Variants in CCDC30 observed in about 807,000 individuals in gnomAD.
CCDC30 encodes coiled-coil domain-containing protein 30.
CCDC30 carries 70 observed loss-of-function variants against 100.2 expected under a neutral mutation model. The observed-to-expected ratio is 0.70, with a 90% CI of 0.58 to 0.85. The LOEUF is 0.85. CCDC30 is among the 40% of genes least tolerant of loss of function. The pLI, the probability that CCDC30 is intolerant of heterozygous loss-of-function variation, is 0.00. For missense variants in CCDC30, 652 were observed against 771.2 expected, an observed-to-expected ratio of 0.85 and a Z score of 1.83; for synonymous variants, 233 against 269.5, an observed-to-expected ratio of 0.86 and a Z score of 1.33.
intron 6 of CCDC30, among the ~76,000 whole-genome samples, chr1:42,560,505 G>A (rs572572321): frequency 2.6e-5 from 4 of 152,130 alleles, no homozygotes; most frequent in Non-Finnish European, 5.9e-5. Context: ...AAGTAGCTGG[G>A]ATTACAGGCA....
intron 6 of CCDC30, among the ~76,000 whole-genome samples, chr1:42,500,645 C>T (rs2148478783): frequency 6.6e-6 from 1 of 152,282 alleles, no homozygotes; most frequent in East Asian, 1.9e-4. Flanking sequence ...AATCTCCTGA[C>T]CTCGTGATCC....
chr1:42,554,275 CTT>C (rs1286952607), intron 6 of CCDC30, among the ~76,000 whole-genome samples: 48 of 131,176 alleles, frequency 3.7e-4, no homozygotes, highest in Admixed American at 3.9e-4. Flanking sequence ...TTTATGGCTT[CTT>C]TTTTTTTTTT....
chr1:42,601,980 AT>A (rs1450913007), intron 10 of CCDC30, among the ~76,000 whole-genome samples: 2 of 152,210 alleles, frequency 1.3e-5, no homozygotes, highest in Non-Finnish European at 2.9e-5. Flanking sequence ...CAACAAATAT[AT>A]TGAAAATTTT....
intron 6 of CCDC30, chr1:42,537,230 C>T (rs1312304999): frequency 4.4e-6 from 2 of 456,082 alleles, no homozygotes; most frequent in South Asian, 3.1e-5. Flanking sequence ...TCTTGTCCTG[C>T]CATCTTGGAA....
chr1:42,460,327 T>A, upstream of CCDC30: 3 of 988,664 alleles, frequency 3.0e-6, no homozygotes, highest in Non-Finnish European at 3.6e-6. Context: ...ATTAAAAAGA[T>A]GAATAAACAT....
At chr1:42,572,734 G>A (rs1044210016) in intron 7 of CCDC30, among the ~76,000 whole-genome samples, 9 of 151,866 alleles carry the variant, frequency 5.9e-5, no homozygotes, top group Admixed American at 5.9e-4. Flanking sequence ...CTTCTGCCTC[G>A]GCCTCCCGAA....
At chr1:42,572,676 G>A (rs1645756491) in intron 7 of CCDC30, among the ~76,000 whole-genome samples, 1 of 152,150 alleles carries the variant, frequency 6.6e-6, no homozygotes. Context: ...GAGTACAGTG[G>A]CATGATCTTG....
At chr1:42,561,630 TA>T (rs201715122) in intron 6 of CCDC30, among the ~76,000 whole-genome samples, 1,847 of 152,098 alleles carry the variant, frequency 0.012, 32 homozygotes, top group African/African-American at 0.041. Context: ...AAGAAAGAAA[TA>T]AAGGGTATTC....
chr1:42,621,884 C>A (rs561257520), intron 11 of CCDC30, among the ~76,000 whole-genome samples: 126 of 152,126 alleles, frequency 8.3e-4, no homozygotes, highest in African/African-American at 3.0e-3. Flanking sequence ...TGTGCTCAAG[C>A]AATTCTCCTG....
At position 42,610,959 on chromosome 1, in the gene CCDC30, A is replaced by G. The variant is rs759373271; in HGVS notation, c.1165-19A>G. On this transcript the variant is annotated intron_variant, in intron 10 of 16. Transcript: ENST00000668663. ...CCTTTGTCAGGTCAGAGTTCTCATT[A>G]TTTTTCAATGTTTTTCAGCATGTCA... The G allele has an allele frequency of 6.7e-6, 9 of 1,349,028 alleles. No individual in the cohort carries two copies. In the East Asian group the frequency reaches 2.1e-4, roughly 31 times the overall value. 83.6% of individuals were successfully genotyped at this position (1,349,028 alleles called of 1,614,324 possible).
exon 17 of CCDC30, chr1:42,654,131 A>G (rs893753239): frequency 1.3e-6 from 1 of 754,008 alleles, no homozygotes; most frequent in Non-Finnish European, 2.2e-6. Context: ...TCCCAAATGG[A>G]TATCACCCAA....
intron 2 of CCDC30, among the ~76,000 whole-genome samples, chr1:42,481,683 TTATTTTAAATA>T (rs1156858797): frequency 2.0e-5 from 3 of 152,282 alleles, no homozygotes; most frequent in Admixed American, 6.5e-5. Flanking sequence ...ATATAGCACA[TTATTTTAAATA>T]TATTCAGTTC....
In CCDC30 at chr1:42,617,890, G is replaced by T. The variant is rs142263982; in HGVS notation, c.1277+6800G>T. On this transcript the variant is annotated intron_variant, in intron 11 of 16. Coordinates refer to ENST00000668663, the Ensembl canonical transcript of CCDC30. Reference sequence around the variant, plus strand: ...CAGTCTAGTCCCCAGGCAAGAAGGGGGTTTGTTTTGGGAAAGGGCTGTTAT... The same window carrying T: ...CAGTCTAGTCCCCAGGCAAGAAGGGTGTTTGTTTTGGGAAAGGGCTGTTAT... 2.5e-3 allele frequency among the ~76,000 whole-genome samples: 377 copies of T among 152,246 alleles called. 2 individuals carry two copies. Among genetic ancestry groups the T allele is most frequent in the Non-Finnish European group, 3.5e-3 (236 of 68,016 alleles).
At chr1:42,523,867 T>G (rs902178199) in intron 6 of CCDC30, among the ~76,000 whole-genome samples, 1 of 152,208 alleles carries the variant, frequency 6.6e-6, no homozygotes, top group African/African-American at 2.4e-5. Context: ...CAAATTTGCC[T>G]TTGAATCCCT....
chr1:42,500,973 C>A (rs1461406668), intron 6 of CCDC30, among the ~76,000 whole-genome samples: 2 of 151,920 alleles, frequency 1.3e-5, no homozygotes, highest in Non-Finnish European at 2.9e-5. Flanking sequence ...TATGACATGT[C>A]TTTCATTTTC....
At chr1:42,553,907 T>C (rs933182598) in intron 6 of CCDC30, among the ~76,000 whole-genome samples, 2 of 152,126 alleles carry the variant, frequency 1.3e-5, no homozygotes, top group Non-Finnish European at 2.9e-5. Flanking sequence ...TTTTTTATAG[T>C]ATTAGAGGAA....
intron 6 of CCDC30, chr1:42,542,918 G>C (rs1396166146): frequency 6.5e-6 from 1 of 153,656 alleles, no homozygotes; most frequent in African/African-American, 2.4e-5. Context: ...TACTACTTAA[G>C]TGACTAACAT....
At chr1:42,498,771 C>A in intron 5 of CCDC30, 47 bp from the exon 6 acceptor site, 1 of 946,182 alleles carries the variant, frequency 1.1e-6, no homozygotes, top group South Asian at 5.4e-5. Context: ...ATAATTTATC[C>A]AAACAAAAAT....
rs1350323859 is a variant in CCDC30 at position 42,596,063 on chromosome 1, G to A, written c.1164+6580G>A. ...AACACATTTCCCTAGATCCTTCAGA[G>A]AAGAGAGGTCACAGTCCAAACCGCT... On this transcript the variant is annotated intron_variant, in intron 10 of 16. Coordinates refer to ENST00000668663, the Ensembl canonical transcript of CCDC30. This position sits in a 1 kb window ranked among gnomAD's most constrained non-coding sequence, Gnocchi z 4.3. Among the ~76,000 whole-genome samples the A allele has an allele frequency of 6.6e-6, 1 of 152,160 alleles. No individual in the cohort carries two copies. The highest frequency in any genetic ancestry group is 2.4e-5 in the African/African-American group (1 of 41,432).
Sources: gnomAD v4.1 joint callset for allele counts (sites outside exome capture counted in the v4.1 genomes callset) on GRCh38, gnomAD v4.1.1 for gene constraint, Gnocchi (gnomAD v3.1) non-coding constraint, MANE v1.5 for transcripts, NCBI Gene and HGNC (gene_info 2026-07-23, HGNC 2026-07-21) for gene names.